MB21D2: variants seen among roughly 807,000 people sequenced by gnomAD.
The protein encoded by MB21D2 is nucleotidyltransferase MB21D2.
MB21D2 carries 9 observed loss-of-function variants against 33.3 expected under a neutral mutation model. That is an observed-to-expected ratio of 0.27 (90% CI 0.16 to 0.47). The LOEUF is 0.47. Ranked by LOEUF, MB21D2 falls within the 20% of genes least tolerant of loss-of-function variation. The pLI, the probability that MB21D2 is intolerant of heterozygous loss-of-function variation, is 0.99. For missense variants in MB21D2, 540 were observed against 624.6 expected (o/e 0.86, Z 1.44); for synonymous variants, 241 against 236.3 (o/e 1.02, Z -0.18).
intron 1 of MB21D2, among the ~76,000 whole-genome samples, chr3:192,847,984 C>T (rs1034290941): frequency 3.3e-5 from 5 of 152,264 alleles, no homozygotes; most frequent in African/African-American, 1.2e-4. Flanking sequence ...ATGAAACCAA[C>T]CAAAATACAT....
intron 1 of MB21D2, among the ~76,000 whole-genome samples, chr3:192,912,434 C>T (rs941270785): frequency 2.0e-5 from 3 of 152,068 alleles, no homozygotes; most frequent in South Asian, 2.1e-4. Flanking sequence ...TTTGGGAGGC[C>T]GAGGTGGGTG....
chr3:192,849,316 T>TTG (rs1394136617), intron 1 of MB21D2, among the ~76,000 whole-genome samples: 20,721 of 91,942 alleles, frequency 0.23, 2,635 homozygotes, highest in East Asian at 0.35. Flanking sequence ...TCTCTTTTTT[T>TTG]GGGGGGGGGG....
chr3:192,825,301 T>G (rs1014736162), intron 1 of MB21D2, among the ~76,000 whole-genome samples: 1 of 152,126 alleles, frequency 6.6e-6, no homozygotes, highest in African/African-American at 2.4e-5. Flanking sequence ...AGTAAATTAG[T>G]GGTTTGGAAA....
intron 1 of MB21D2, among the ~76,000 whole-genome samples, chr3:192,899,674 T>C (rs1714051463): frequency 6.6e-6 from 1 of 152,042 alleles, no homozygotes; most frequent in African/African-American, 2.4e-5. Flanking sequence ...ATGAGACAGA[T>C]GGTAGTGGCC....
chr3:192,846,975 G>A (rs1712691405), intron 1 of MB21D2, among the ~76,000 whole-genome samples: 1 of 152,128 alleles, frequency 6.6e-6, no homozygotes. Flanking sequence ...TGATTTGAGG[G>A]TTCCCTGGAC....
At chr3:192,849,612 G>A (rs1037174479) in intron 1 of MB21D2, among the ~76,000 whole-genome samples, 1 of 152,096 alleles carries the variant, frequency 6.6e-6, no homozygotes, top group African/African-American at 2.4e-5. Flanking sequence ...CACCACACTC[G>A]GCTGTCACCG....
intron 1 of MB21D2, among the ~76,000 whole-genome samples, chr3:192,877,548 C>T (rs559103321): frequency 3.9e-4 from 60 of 152,322 alleles, no homozygotes; most frequent in Admixed American, 2.7e-3. Flanking sequence ...GCCTCCTTGG[C>T]CACCAGTGTC....
intron 1 of MB21D2, among the ~76,000 whole-genome samples, chr3:192,806,384 A>T (rs1711661056): frequency 6.6e-6 from 1 of 152,180 alleles, no homozygotes; most frequent in Non-Finnish European, 1.5e-5. Context: ...CCTCTGTATA[A>T]GTGGGTTTCA....
At position 192,820,516 on chromosome 3, in the gene MB21D2, G is replaced by A. The variant is rs1712022543; in HGVS notation, c.212-20866C>T. Among the ~76,000 whole-genome samples, 3 of 152,186 alleles carry A rather than the reference G, an allele frequency of 2.0e-5. No homozygotes were observed. The South Asian group carries it at 6.2e-4, about 31-fold the overall frequency. ...CACTGGATTTACAGCCAGTCTCTGGGCAATGAATGATTTGTCACCTTTTTC... is the reference window on the plus strand; with the variant it reads ...CACTGGATTTACAGCCAGTCTCTGGACAATGAATGATTTGTCACCTTTTTC... On this transcript the variant is annotated intron_variant, in intron 1 of 1. Coordinates refer to ENST00000392452, the MANE Select transcript of MB21D2 (RefSeq NM_178496.4).
chr3:192,821,647 C>T (rs973504151), intron 1 of MB21D2, among the ~76,000 whole-genome samples: 4 of 152,148 alleles, frequency 2.6e-5, no homozygotes, highest in Admixed American at 2.0e-4. Flanking sequence ...GAAGTTAAGG[C>T]GCTAATTAAC....
intron 1 of MB21D2, among the ~76,000 whole-genome samples, chr3:192,867,156 G>A (rs1417138439): frequency 6.6e-6 from 1 of 152,268 alleles, no homozygotes; most frequent in Admixed American, 6.5e-5. Context: ...GTATTGGGTA[G>A]AGGGAGGAAA....
chr3:192,835,731 T>G lies in MB21D2; in HGVS notation c.212-36081A>C, dbSNP rs748098851. On this transcript the variant is annotated intron_variant, in intron 1 of 1. Coordinates refer to ENST00000392452, the MANE Select transcript of MB21D2 (RefSeq NM_178496.4). ...TCTACTATTGTCTCTGTTCTACCTTTGCTTAAATATAACAAAACTCTGCCA... is the reference window on the plus strand; with the variant it reads ...TCTACTATTGTCTCTGTTCTACCTTGGCTTAAATATAACAAAACTCTGCCA... 8.4e-4 allele frequency among the ~76,000 whole-genome samples: 127 copies of G among 152,074 alleles called. 1 individual carries two copies. Among genetic ancestry groups the G allele is most frequent in the Non-Finnish European group, 1.8e-4 (12 of 68,022 alleles).
At chr3:192,893,828 G>C (rs1713907162) in intron 1 of MB21D2, among the ~76,000 whole-genome samples, 1 of 152,098 alleles carries the variant, frequency 6.6e-6, no homozygotes. Flanking sequence ...TTGAGGCCAG[G>C]AGTTTGAAAA....
chr3:192,895,349 C>T (rs66973003), intron 1 of MB21D2, among the ~76,000 whole-genome samples: 55,404 of 152,074 alleles, frequency 0.36, 10,880 homozygotes, highest in Middle Eastern at 0.49. Flanking sequence ...AATCAGGTCT[C>T]TCTCAATTAT....
chr3:192,832,138 C>T (rs1028380782), intron 1 of MB21D2, among the ~76,000 whole-genome samples: 5 of 152,218 alleles, frequency 3.3e-5, no homozygotes, highest in African/African-American at 1.2e-4. Context: ...TGCCTAGAGA[C>T]TCTGATTCAG....
intron 1 of MB21D2, among the ~76,000 whole-genome samples, chr3:192,870,885 C>T (rs1314873968): frequency 6.6e-6 from 1 of 152,074 alleles, no homozygotes; most frequent in East Asian, 1.9e-4. Flanking sequence ...TTTCCTGTGG[C>T]TATTTTAATT....
At chr3:192,903,702 G>C (rs538208031) in intron 1 of MB21D2, among the ~76,000 whole-genome samples, 1 of 152,192 alleles carries the variant, frequency 6.6e-6, no homozygotes, top group Non-Finnish European at 1.5e-5. Context: ...AGTTAGAGGC[G>C]GGCCTGGTGG....
intron 1 of MB21D2, among the ~76,000 whole-genome samples, chr3:192,826,769 A>G (rs1028993654): frequency 2.0e-5 from 3 of 152,118 alleles, no homozygotes; most frequent in African/African-American, 7.2e-5. Context: ...GGGTGGTTGG[A>G]GCACTTTTTT....
intron 1 of MB21D2, among the ~76,000 whole-genome samples, chr3:192,888,898 G>T (rs1346253895): frequency 4.6e-5 from 7 of 152,040 alleles, no homozygotes; most frequent in Non-Finnish European, 1.5e-5. Context: ...GCTATCTAGA[G>T]TCCAGCTCTG....
Sources: allele counts gnomAD v4.1 joint callset (sites outside exome capture counted in the v4.1 genomes callset), GRCh38; gene constraint gnomAD v4.1.1; transcripts MANE v1.5; gene names NCBI Gene and HGNC (gene_info 2026-07-23, HGNC 2026-07-21).